Variants in FMN2 observed in about 807,000 individuals in gnomAD.
FMN2 encodes formin-2.
In FMN2, 51 loss-of-function variants were observed where a neutral mutation model predicts 142.3. The ratio of observed to expected loss-of-function variants is 0.36; its 90% CI spans 0.29 to 0.45. The LOEUF (loss-of-function observed/expected upper bound fraction) is 0.45. Ranked by LOEUF, FMN2 falls within the 20% of genes least tolerant of loss-of-function variation. The probability of loss-of-function intolerance (pLI) is 1.00; values close to 1 mark genes in which losing one functional copy is unlikely to be tolerated. For synonymous variants in FMN2, 882 were observed against 869.8 expected, an observed-to-expected ratio of 1.01 and a Z score of -0.25; for missense variants, 1,936 against 2,122.8, an observed-to-expected ratio of 0.91 and a Z score of 1.73.
At chr1:240,169,355 T>C (rs1664609755) in intron 2 of FMN2, among the ~76,000 whole-genome samples, 1 of 152,222 alleles carries the variant, frequency 6.6e-6, no homozygotes, top group Non-Finnish European at 1.5e-5. Context: ...CCCAATTCAG[T>C]TGAGGCAATT....
chr1:240,446,940 A>G (rs1675838009), intron 16 of FMN2, among the ~76,000 whole-genome samples: 1 of 152,100 alleles, frequency 6.6e-6, no homozygotes, highest in African/African-American at 2.4e-5. Flanking sequence ...GGGGGAGTGG[A>G]GCTTTAGAAA....
At chr1:240,240,027 T>C (rs923612877) in intron 6 of FMN2, among the ~76,000 whole-genome samples, 1 of 152,214 alleles carries the variant, frequency 6.6e-6, no homozygotes, top group African/African-American at 2.4e-5. Flanking sequence ...AAGGTTTGCT[T>C]TCTAGTTAAC....
intron 14 of FMN2, among the ~76,000 whole-genome samples, chr1:240,371,353 C>T (rs2103069693): frequency 6.6e-6 from 1 of 152,172 alleles, no homozygotes; most frequent in African/African-American, 2.4e-5. Flanking sequence ...CTAAGCTTTC[C>T]TTCCTTAGGT....
At chr1:240,380,542 C>T (rs1027145113) in intron 14 of FMN2, among the ~76,000 whole-genome samples, 1 of 152,044 alleles carries the variant, frequency 6.6e-6, no homozygotes, top group African/African-American at 2.4e-5. Flanking sequence ...AATATTTCCA[C>T]TTTTTTCCCT....
In FMN2 at chr1:240,252,638, G is replaced by T. The variant is rs75236623; in HGVS notation, c.4066-5307G>T. Reference sequence around the variant, plus strand: ...GAGAAATCAGCTGTTATTCTGACGGGGGGGGTGGTTCTCTTATAAGTGACT... The same window carrying T: ...GAGAAATCAGCTGTTATTCTGACGGTGGGGGTGGTTCTCTTATAAGTGACT... On this transcript the variant is annotated intron_variant, in intron 6 of 17. Transcript: ENST00000319653. Among the ~76,000 whole-genome samples, 8 of 151,510 alleles carry T rather than the reference G, an allele frequency of 5.3e-5. No individual in the cohort carries two copies. In the South Asian group the frequency reaches 1.0e-3, roughly 20 times the overall value.
chr1:240,164,897 T>C (rs890191795), intron 2 of FMN2, among the ~76,000 whole-genome samples: 2 of 152,176 alleles, frequency 1.3e-5, no homozygotes, highest in Non-Finnish European at 1.5e-5. Context: ...TTATTCTCTT[T>C]ATGATATCTT....
chr1:240,390,680 T>C (rs1673576758), intron 14 of FMN2, among the ~76,000 whole-genome samples: 1 of 152,206 alleles, frequency 6.6e-6, no homozygotes, highest in South Asian at 2.1e-4. Context: ...TTCTACTGAT[T>C]ATTGGAGGCA....
intron 2 of FMN2, among the ~76,000 whole-genome samples, chr1:240,158,404 T>C (rs951102136): frequency 6.6e-6 from 1 of 152,282 alleles, no homozygotes; most frequent in Non-Finnish European, 1.5e-5. Context: ...TGATGTTATA[T>C]AATTTATTCT....
chr1:240,396,494 G>A (rs903851150), intron 15 of FMN2, among the ~76,000 whole-genome samples: 5 of 151,246 alleles, frequency 3.3e-5, no homozygotes, highest in Admixed American at 6.6e-5. Flanking sequence ...AGGGGTACAC[G>A]TGCAGGTTTG....
intron 8 of FMN2, among the ~76,000 whole-genome samples, chr1:240,316,425 G>C (rs138225576): frequency 1.4e-3 from 219 of 152,294 alleles, no homozygotes; most frequent in African/African-American, 5.0e-3. Flanking sequence ...ATTTTGTGTT[G>C]CTGACAAGTA....
rs146874723 is a variant in FMN2 at position 240,207,469 on chromosome 1, T to G, written c.2657T>G (p.Met886Arg). ...VPPPPPPLPG[M>R]TVPTLPSTAI... ...CCCCCACCTCCCCCTCTCCCTGGCATGACAGTGCCTACTCTGCCCAGTACA... is the reference window on the plus strand; with the variant it reads ...CCCCCACCTCCCCCTCTCCCTGGCAGGACAGTGCCTACTCTGCCCAGTACA... The change falls in exon 5 of 18, where the codon ATG becomes AGG. Residue 886 changes from methionine (M) to arginine (R), a missense_variant. Physicochemically the swap from Met to Arg is moderately conservative, Grantham distance 91 (BLOSUM62 -1). This residue lies in a region of FMN2 where 478 missense variants were observed against 462.8 expected (regional missense o/e 1.03). Coordinates refer to ENST00000319653, the MANE Select transcript of FMN2 (RefSeq NM_020066.5). The G allele has an allele frequency of 6.6e-3, 10,593 of 1,611,902 alleles. 49 individuals carry two copies. Among genetic ancestry groups the G allele is most frequent in the Non-Finnish European group, 7.0e-3 (8,259 of 1,179,228 alleles).
At chr1:240,103,525 G>A (rs1004984596) in intron 1 of FMN2, among the ~76,000 whole-genome samples, 3 of 152,126 alleles carry the variant, frequency 2.0e-5, no homozygotes, top group African/African-American at 7.2e-5. Flanking sequence ...AGGCATTGCC[G>A]TCTAGCTTTG....
chr1:240,299,919 A>G (rs1461257786), intron 8 of FMN2, among the ~76,000 whole-genome samples: 1 of 152,184 alleles, frequency 6.6e-6, no homozygotes, highest in Non-Finnish European at 1.5e-5. Context: ...ACGCAAGACT[A>G]GTAGGAATAA....
intron 2 of FMN2, among the ~76,000 whole-genome samples, chr1:240,140,744 C>T (rs1663147213): frequency 6.6e-6 from 1 of 152,070 alleles, no homozygotes; most frequent in Non-Finnish European, 1.5e-5. Context: ...ATAGCCTATC[C>T]CAGGATATGG....
chr1:240,414,611 A>G (rs921997466), intron 15 of FMN2, among the ~76,000 whole-genome samples: 7 of 152,184 alleles, frequency 4.6e-5, no homozygotes, highest in Non-Finnish European at 1.5e-5. Flanking sequence ...CCTGCCTACC[A>G]TCTAATAACC....
intron 6 of FMN2, among the ~76,000 whole-genome samples, chr1:240,212,214 T>A (rs1558369090): frequency 1.3e-5 from 2 of 152,036 alleles, no homozygotes. Context: ...TGACCTGGAG[T>A]TGTTTCCATT....
At chr1:240,285,818 T>C (rs999151164) in intron 7 of FMN2, among the ~76,000 whole-genome samples, 2 of 152,142 alleles carry the variant, frequency 1.3e-5, no homozygotes, top group African/African-American at 4.8e-5. Context: ...TAGGAAGTGA[T>C]GGGCAGAGAA....
chr1:240,321,421 T>G (rs1670968882), intron 8 of FMN2, among the ~76,000 whole-genome samples: 1 of 152,234 alleles, frequency 6.6e-6, no homozygotes, highest in African/African-American at 2.4e-5. Context: ...GATGGTATTT[T>G]TAAAGAATTG....
chr1:240,422,946 C>T (rs926577642), intron 15 of FMN2, among the ~76,000 whole-genome samples: 7 of 152,122 alleles, frequency 4.6e-5, no homozygotes. Context: ...AATACTTGTT[C>T]TTGGGTTGAA....
Sources: gnomAD v4.1 joint callset for allele counts (sites outside exome capture counted in the v4.1 genomes callset) on GRCh38, gnomAD v4.1.1 for gene constraint, gnomAD v4.1.1 regional missense constraint, MANE v1.5 for transcripts, NCBI Gene and HGNC (gene_info 2026-07-23, HGNC 2026-07-21) for gene names.